The following PLD5 variants were observed in gnomAD, a reference collection of about 807,000 sequenced individuals.
PLD5 encodes the protein phospholipase D family member 5, also known as inactive phospholipase D5.
A neutral mutation model predicts 61.1 loss-of-function variants in PLD5; 36 were observed. The observed-to-expected ratio is 0.59, with a 90% CI of 0.45 to 0.78. The LOEUF (loss-of-function observed/expected upper bound fraction) is 0.78, where lower values mean the gene tolerates loss of function less well. Ranked by LOEUF, PLD5 falls within the 30% of genes least tolerant of loss-of-function variation. The pLI is 0.00. For synonymous variants in PLD5, 243 were observed against 242.8 expected (o/e 1.00, Z -0.01); for missense variants, 515 against 644.4 (o/e 0.80, Z 2.17).
At chr1:242,437,630 G>A (rs931370363) in intron 1 of PLD5, among the ~76,000 whole-genome samples, 1 of 151,972 alleles carries the variant, frequency 6.6e-6, no homozygotes, top group Admixed American at 6.5e-5. Context: ...CTGGGAGGCA[G>A]AGTTGCAGAT....
intron 1 of PLD5, among the ~76,000 whole-genome samples, 192 bp from the exon 2 acceptor site, chr1:242,348,434 C>A: frequency 6.6e-6 from 1 of 152,022 alleles, no homozygotes; most frequent in Non-Finnish European, 1.5e-5. Context: ...GCCTTCAAAC[C>A]CCACTCTAAG....
At chr1:242,406,845 C>A (rs907345010) in intron 1 of PLD5, among the ~76,000 whole-genome samples, 8 of 152,122 alleles carry the variant, frequency 5.3e-5, no homozygotes, top group African/African-American at 1.9e-4. Context: ...AAAGAGCCTT[C>A]AATTAGCCAT....
intron 2 of PLD5, among the ~76,000 whole-genome samples, chr1:242,293,746 T>C (rs1279592921): frequency 6.6e-6 from 1 of 152,178 alleles, no homozygotes; most frequent in Non-Finnish European, 1.5e-5. Flanking sequence ...GTGCAGGTAA[T>C]GAATTCCAGG....
chr1:242,402,485 A>T (rs1278449248), intron 1 of PLD5, among the ~76,000 whole-genome samples: 1 of 152,236 alleles, frequency 6.6e-6, no homozygotes, highest in Non-Finnish European at 1.5e-5. Context: ...AATAAGGGTA[A>T]TTAAATGAAC....
intron 1 of PLD5, among the ~76,000 whole-genome samples, chr1:242,404,875 ATTTTTT>A (rs11361107): frequency 4.0e-5 from 3 of 75,408 alleles, no homozygotes; most frequent in African/African-American, 1.2e-4. Flanking sequence ...TTCCCTGCTA[ATTTTTT>A]TTTTTTTTTT....
chr1:242,430,479 A>T (rs891155973), intron 1 of PLD5, among the ~76,000 whole-genome samples: 1 of 152,126 alleles, frequency 6.6e-6, no homozygotes, highest in East Asian at 1.9e-4. Context: ...ACACCTCCAA[A>T]GAGCATCACA....
intron 4 of PLD5, among the ~76,000 whole-genome samples, chr1:242,233,875 AAGTC>A (rs1473431524): frequency 5.9e-5 from 9 of 152,302 alleles, no homozygotes; most frequent in African/African-American, 1.4e-4. Flanking sequence ...GCCTCCAACA[AAGTC>A]AGACTAAATG....
At chr1:242,475,283 C>T (rs959916085) in intron 1 of PLD5, among the ~76,000 whole-genome samples, 13 of 151,944 alleles carry the variant, frequency 8.6e-5, no homozygotes, top group East Asian at 1.9e-4. Context: ...ATTAGCTGGG[C>T]GCGGTGGCGG....
intron 2 of PLD5, among the ~76,000 whole-genome samples, chr1:242,316,506 T>TA (rs1157415194): frequency 2.0e-5 from 3 of 152,208 alleles, no homozygotes; most frequent in Non-Finnish European, 4.4e-5. Flanking sequence ...TTTCTCATTT[T>TA]ATGCCTTGTA....
At chr1:242,473,619 A>C (rs1667505316) in intron 1 of PLD5, among the ~76,000 whole-genome samples, 1 of 152,190 alleles carries the variant, frequency 6.6e-6, no homozygotes, top group Non-Finnish European at 1.5e-5. Context: ...TTTCTCTCCA[A>C]AGGCAAAATA....
chr1:242,348,615 A>T (rs1020014666), intron 1 of PLD5, among the ~76,000 whole-genome samples: 22 of 152,280 alleles, frequency 1.4e-4, no homozygotes, highest in Non-Finnish European at 3.1e-4. Flanking sequence ...AAACAGTCAG[A>T]CTCTGTAAAA....
chr1:242,297,621 C>CTTTTTT (rs56851216), intron 2 of PLD5, among the ~76,000 whole-genome samples: 5 of 107,224 alleles, frequency 4.7e-5, no homozygotes, highest in African/African-American at 1.3e-4. Context: ...ATTCATGTTT[C>CTTTTTT]TTTTTTTTTT....
At chr1:242,338,268 T>A (rs1247996106) in intron 2 of PLD5, among the ~76,000 whole-genome samples, 2 of 152,186 alleles carry the variant, frequency 1.3e-5, no homozygotes, top group African/African-American at 4.8e-5. Context: ...CTCCACTCCC[T>A]CCATCAATGT....
chr1:242,360,066 A>G (rs1169062662), intron 1 of PLD5, among the ~76,000 whole-genome samples: 1 of 152,198 alleles, frequency 6.6e-6, no homozygotes, highest in Non-Finnish European at 1.5e-5. Context: ...ATAACTCAAA[A>G]TCGTAAAGCA....
intron 5 of PLD5, among the ~76,000 whole-genome samples, chr1:242,166,512 C>T (rs316896): frequency 0.34 from 51,063 of 151,912 alleles, 8,866 homozygotes; most frequent in South Asian, 0.44. Context: ...GCACTGCATA[C>T]CTCCAGGCTT....
intron 2 of PLD5, among the ~76,000 whole-genome samples, chr1:242,318,489 C>T (rs1658167747): frequency 6.6e-6 from 1 of 152,142 alleles, no homozygotes; most frequent in Admixed American, 6.5e-5. Context: ...ACCAGCAAGC[C>T]TCGACACTTC....
At chr1:242,356,123 A>G (rs1217650174) in intron 1 of PLD5, among the ~76,000 whole-genome samples, 1 of 150,330 alleles carries the variant, frequency 6.7e-6, no homozygotes, top group African/African-American at 2.4e-5. Context: ...GCTCAAGTCC[A>G]CTGTTTTCTT....
At chr1:242,145,489 C>T (rs1664483537) in intron 5 of PLD5, among the ~76,000 whole-genome samples, 1 of 152,106 alleles carries the variant, frequency 6.6e-6, no homozygotes, top group Admixed American at 6.5e-5. Flanking sequence ...ACACCATTAT[C>T]TGAGGGAAGA....
At chr1:242,201,680 T>G (rs1558336659) in intron 5 of PLD5, among the ~76,000 whole-genome samples, 1 of 152,034 alleles carries the variant, frequency 6.6e-6, no homozygotes, top group Non-Finnish European at 1.5e-5. Context: ...TAATAAAAAT[T>G]TAATAATTTT....
Sources: allele counts gnomAD v4.1 joint callset (sites outside exome capture counted in the v4.1 genomes callset), GRCh38; gene constraint gnomAD v4.1.1; transcripts MANE v1.5; gene names NCBI Gene and HGNC (gene_info 2026-07-23, HGNC 2026-07-21).